Variants in TEX14 observed in about 807,000 individuals in gnomAD.
TEX14 encodes testis expressed 14, intercellular bridge forming factor, also known as inactive serine/threonine-protein kinase TEX14.
A neutral mutation model predicts 178.6 loss-of-function variants in TEX14; 168 were observed. The observed-to-expected ratio is 0.94, with a 90% CI of 0.83 to 1.07. The LOEUF (loss-of-function observed/expected upper bound fraction) is 1.07. TEX14 is among the 50% of genes least tolerant of loss of function. The probability of loss-of-function intolerance (pLI) is 0.00; values close to 1 mark genes in which losing one functional copy is unlikely to be tolerated. For missense variants in TEX14, 1,730 were observed against 1,753.6 expected, an observed-to-expected ratio of 0.99 and a Z score of 0.24; for synonymous variants, 626 against 634.1, an observed-to-expected ratio of 0.99 and a Z score of 0.19.
chr17:58,571,022 T>C (rs959394677), intron 24 of TEX14, among the ~76,000 whole-genome samples: 4 of 152,134 alleles, frequency 2.6e-5, no homozygotes, highest in African/African-American at 9.7e-5. Context: ...AGTGAGCTCC[T>C]TTGAGGCAGG....
In TEX14 at chr17:58,557,028, T is replaced by C. The variant is rs2044149527; in HGVS notation, c.4339A>G (p.Ser1447Gly). ...AATTCCAATCAGTCTGACAAGTCACTCTGATCCAGCACGATTATCCTATGC... is the reference window on the plus strand; with the variant it reads ...AATTCCAATCAGTCTGACAAGTCACCCTGATCCAGCACGATTATCCTATGC... Reference protein sequence around the residue: ...ESSRIIVLDQSDLSD With the variant: ...ESSRIIVLDQGDLSD The change falls in exon 32 of 32, where the codon AGT becomes GGT. Residue 1447 changes from serine (S) to glycine (G), a missense_variant. Physicochemically the swap from Ser to Gly is moderately conservative, Grantham distance 56. Transcript: ENST00000349033. The C allele has an allele frequency of 1.9e-6, 3 of 1,613,916 alleles. No homozygotes were observed. The highest frequency in any genetic ancestry group is 1.1e-5 in the South Asian group (1 of 91,084).
rs777445313 is a variant in TEX14, at chr17:58,675,837, C to T, written c.-2+16102G>A. 1.8e-4 allele frequency among the ~76,000 whole-genome samples: 28 copies of T among 152,280 alleles called. 1 individual carries two copies. Among genetic ancestry groups the T allele is most frequent in the East Asian group, 1.4e-3 (7 of 5,184 alleles). ...TTTTAGAGACAGGTTCTTGTTCTGT[C>T]GCCTGGGCCTCCAAAGGTACGGTGA... On this transcript the variant is annotated intron_variant, in intron 1 of 31. Coordinates refer to ENST00000349033, the MANE Select transcript of TEX14 (RefSeq NM_031272.5).
chr17:58,601,133 C>T (rs181216089), intron 13 of TEX14, among the ~76,000 whole-genome samples: 1 of 151,868 alleles, frequency 6.6e-6, no homozygotes, highest in East Asian at 1.9e-4. Flanking sequence ...TGCCTGCAAT[C>T]CCAGCACTTT....
Position 58,577,378 on chromosome 17 carries a change from C to T in TEX14, c.3317G>A (p.Arg1106Gln), listed in dbSNP as rs147400395. ...ILPRSQFQPV[R>Q]STEDEQEETS... Reference sequence around the variant, plus strand: ...ATAAGATAATAATAGCCCATACCTTCGTACAGGTTGAAATTGAGACCTGGG... The same window carrying T: ...ATAAGATAATAATAGCCCATACCTTTGTACAGGTTGAAATTGAGACCTGGG... The change falls in exon 21 of 32, where the codon CGA becomes CAA. Residue 1106 changes from arginine to glutamine, a missense_variant. This residue lies in a region of TEX14 where 941 missense variants were observed against 1,072.4 expected (regional missense o/e 0.88). Transcript: ENST00000349033. 31 of 1,421,612 alleles carry T rather than the reference C, an allele frequency of 2.2e-5. No homozygotes were observed. The highest frequency in any genetic ancestry group is 3.7e-4 in the Middle Eastern group (2 of 5,440). The allele number at this position is 1,421,612 out of a possible 1,614,324, so 88.1% of individuals were successfully genotyped here. A position where few individuals can be genotyped will look rare whatever the true frequency, so the allele number is the denominator to read the frequency against.
In TEX14 at chr17:58,690,011, A is replaced by C. The variant is rs113822345; in HGVS notation, c.-2+1928T>G. ...ACTACAGGCGCCCACCACCGCACCC[A>C]GCTAATTTTTTGTATTTTTAGTAGA... On this transcript the variant is annotated intron_variant, in intron 1 of 31. Transcript: ENST00000349033. Among the ~76,000 whole-genome samples, 1,445 of 150,762 alleles carry C rather than the reference A, an allele frequency of 9.6e-3. 27 individuals carry two copies. Among genetic ancestry groups the C allele is most frequent in the African/African-American group, 0.033 (1,340 of 40,996 alleles).
At chr17:58,655,239 AG>A (rs2046928188) in intron 1 of TEX14, among the ~76,000 whole-genome samples, 1 of 151,728 alleles carries the variant, frequency 6.6e-6, no homozygotes, top group Non-Finnish European at 1.5e-5. Context: ...GCTGGAGTGC[AG>A]GGGCGCAATC....
intron 21 of TEX14, 99 bp from the exon 22 acceptor site, chr17:58,574,348 A>T (rs773625645): frequency 1.0e-5 from 9 of 896,658 alleles, no homozygotes; most frequent in Non-Finnish European, 1.6e-5. Flanking sequence ...CCAGTGTGAG[A>T]CGCAGAGGAA....
rs148529322 is a variant in TEX14, at chr17:58,662,079, T to C, written c.-1-10077A>G. On this transcript the variant is annotated intron_variant, in intron 1 of 31. Transcript: ENST00000349033. ...CAAACCGAGTGTTCCTGTATGTCTA[T>C]ATCTGTGTATGTATGATGTAAAAAG... 5.7e-3 allele frequency among the ~76,000 whole-genome samples: 868 copies of C among 151,992 alleles called. 5 individuals are homozygous for C. Among genetic ancestry groups the C allele is most frequent in the African/African-American group, 9.2e-3 (381 of 41,534 alleles).
intron 2 of TEX14, among the ~76,000 whole-genome samples, chr17:58,642,444 G>T (rs1363065357): frequency 6.6e-6 from 1 of 152,146 alleles, no homozygotes; most frequent in East Asian, 1.9e-4. Flanking sequence ...TCAGAAAAAG[G>T]GACAGCGTTG....
At chr17:58,575,113 CTTT>C (rs200915772) in intron 21 of TEX14, among the ~76,000 whole-genome samples, 4 of 135,516 alleles carry the variant, frequency 3.0e-5, no homozygotes, top group Non-Finnish European at 3.2e-5. Context: ...CATGTTTTCA[CTTT>C]TTTTTTTTTT....
intron 1 of TEX14, 78 bp downstream of exon 1, chr17:58,691,861 G>C (rs1248524655): frequency 6.6e-6 from 1 of 152,058 alleles, no homozygotes; most frequent in Non-Finnish European, 1.5e-5. Context: ...ACCACAAAAG[G>C]AGCTCTTGTG....
intron 15 of TEX14, among the ~76,000 whole-genome samples, chr17:58,588,581 G>A (rs72826362): frequency 2.0e-5 from 3 of 152,004 alleles, no homozygotes; most frequent in Non-Finnish European, 2.9e-5. Context: ...CACCATGCCC[G>A]GCCTAACGTT....
intron 1 of TEX14, among the ~76,000 whole-genome samples, chr17:58,653,081 C>T (rs554288965): frequency 3.9e-5 from 6 of 152,186 alleles, no homozygotes; most frequent in East Asian, 3.9e-4. Context: ...GGACTACAGG[C>T]GCACACCACC....
chr17:58,616,883 C>T (rs2045885081), intron 6 of TEX14, among the ~76,000 whole-genome samples: 1 of 152,222 alleles, frequency 6.6e-6, no homozygotes, highest in South Asian at 2.1e-4. Flanking sequence ...CCCCACAGCA[C>T]CCAGGATTGT....
intron 1 of TEX14, among the ~76,000 whole-genome samples, chr17:58,678,489 G>C (rs1598436249): frequency 6.6e-6 from 1 of 152,088 alleles, no homozygotes. Context: ...GGAACACTAT[G>C]CAGCCATAAA....
At chr17:58,643,874 C>CAAA (rs71143262) in intron 2 of TEX14, among the ~76,000 whole-genome samples, 1,351 of 20,580 alleles carry the variant, frequency 0.066, 272 homozygotes, top group Non-Finnish European at 0.084. Flanking sequence ...GACTCTGTCT[C>CAAA]AAAAAAAAAA....
intron 2 of TEX14, among the ~76,000 whole-genome samples, chr17:58,634,963 C>G (rs917286291): frequency 1.3e-5 from 2 of 152,008 alleles, no homozygotes; most frequent in Non-Finnish European, 2.9e-5. Context: ...AAAACTCCAC[C>G]TTTACTAAAA....
intron 2 of TEX14, chr17:58,631,889 T>A (rs1203215478): frequency 1.3e-5 from 2 of 152,232 alleles, no homozygotes; most frequent in Non-Finnish European, 2.9e-5. Flanking sequence ...CATATTATGC[T>A]GATGGTGAGT....
intron 11 of TEX14, among the ~76,000 whole-genome samples, chr17:58,604,199 G>A (rs549853448): frequency 3.0e-3 from 453 of 151,550 alleles, no homozygotes; most frequent in African/African-American, 0.01. Context: ...TCGGCCGGGC[G>A]TGGTGGCTCA....
Sources: allele counts gnomAD v4.1 joint callset (sites outside exome capture counted in the v4.1 genomes callset), GRCh38; gene constraint gnomAD v4.1.1; regional missense constraint gnomAD v4.1.1; transcripts MANE v1.5; gene names NCBI Gene and HGNC (gene_info 2026-07-23, HGNC 2026-07-21).